Variants in GPC6 observed in about 807,000 individuals in gnomAD.
GPC6 encodes glypican-6.
GPC6 carries 14 observed loss-of-function variants against 55.2 expected under a neutral mutation model. That is an observed-to-expected ratio of 0.25 (90% CI 0.17 to 0.40). The LOEUF is 0.40. GPC6 is among the 10% of genes least tolerant of loss of function. GPC6 has a pLI of 1.00. For synonymous variants in GPC6, 278 were observed against 259.6 expected, an observed-to-expected ratio of 1.07 and a Z score of -0.68; for missense variants, 641 against 708.5, an observed-to-expected ratio of 0.90 and a Z score of 1.08.
At chr13:93,503,982 G>A (rs1008432060) in intron 1 of GPC6, among the ~76,000 whole-genome samples, 17 of 151,910 alleles carry the variant, frequency 1.1e-4, no homozygotes, top group African/African-American at 2.9e-4. Context: ...ACATTCTTCC[G>A]AGAAAAAAAG....
chr13:93,769,893 C>T (rs2138890309), intron 2 of GPC6, among the ~76,000 whole-genome samples: 3 of 152,322 alleles, frequency 2.0e-5, no homozygotes, highest in Middle Eastern at 6.8e-3. Flanking sequence ...TTTGACTTGA[C>T]TCCAGACATA....
At chr13:94,049,815 C>A (rs985304572) in intron 4 of GPC6, among the ~76,000 whole-genome samples, 1 of 152,080 alleles carries the variant, frequency 6.6e-6, no homozygotes, top group African/African-American at 2.4e-5. Flanking sequence ...GGTCACCACC[C>A]AAAATTCATC....
chr13:93,961,284 A>G (rs1423215986), intron 3 of GPC6, among the ~76,000 whole-genome samples: 1 of 152,242 alleles, frequency 6.6e-6, no homozygotes, highest in Non-Finnish European at 1.5e-5. Context: ...CTGGCCAAAC[A>G]ATAAAATAAA....
chr13:94,191,490 T>G (rs554487073), intron 4 of GPC6, among the ~76,000 whole-genome samples: 131 of 151,960 alleles, frequency 8.6e-4, no homozygotes, highest in Admixed American at 2.2e-3. Context: ...AGTCGGTAAG[T>G]GTACACTGCA....
intron 1 of GPC6, among the ~76,000 whole-genome samples, chr13:93,447,177 T>C (rs1429942040): frequency 6.6e-6 from 1 of 152,212 alleles, no homozygotes; most frequent in Admixed American, 6.5e-5. Context: ...CATGACTTTA[T>C]CAAATTCTTA....
chr13:93,236,179 G>C, intron 1 of GPC6, among the ~76,000 whole-genome samples: 1 of 152,160 alleles, frequency 6.6e-6, no homozygotes, highest in Non-Finnish European at 1.5e-5. Context: ...CCTCAGATGG[G>C]AGCTGATGAT....
intron 3 of GPC6, among the ~76,000 whole-genome samples, chr13:93,927,742 A>G (rs1469921916): frequency 2.0e-5 from 3 of 152,052 alleles, no homozygotes; most frequent in Non-Finnish European, 4.4e-5. Flanking sequence ...ACTTCCTTAG[A>G]TAGCAGTGAA....
chr13:94,223,165 T>G (rs1316335460), intron 4 of GPC6, among the ~76,000 whole-genome samples: 1 of 152,146 alleles, frequency 6.6e-6, no homozygotes, highest in African/African-American at 2.4e-5. Flanking sequence ...GAAGTGTATA[T>G]GTTTGTGTCC....
chr13:93,330,216 T>A (rs748662661), intron 1 of GPC6, among the ~76,000 whole-genome samples: 2 of 152,182 alleles, frequency 1.3e-5, no homozygotes, highest in Non-Finnish European at 2.9e-5. Context: ...GAGCCTACTG[T>A]TCATAGTGAT....
At chr13:94,395,037 C>A (rs1566755470) in intron 7 of GPC6, among the ~76,000 whole-genome samples, 1 of 152,154 alleles carries the variant, frequency 6.6e-6, no homozygotes, top group Admixed American at 6.5e-5. Context: ...AGTCATTTCC[C>A]AAAATGTAGA....
chr13:94,035,968 T>A (rs1459332966), intron 4 of GPC6, among the ~76,000 whole-genome samples: 1 of 152,042 alleles, frequency 6.6e-6, no homozygotes, highest in Non-Finnish European at 1.5e-5. Context: ...CTGTAATCTC[T>A]TCATCTGGCT....
At chr13:94,066,949 A>C (rs2138776650) in intron 4 of GPC6, among the ~76,000 whole-genome samples, 1 of 152,334 alleles carries the variant, frequency 6.6e-6, no homozygotes, top group Non-Finnish European at 1.5e-5. Flanking sequence ...GGGTAGTTTT[A>C]ATATTTTCTA....
rs143043991 is a variant in GPC6 at position 94,025,179 on chromosome 13, G to A, written c.712-2550G>A. ...TAACCAAAACCCAACAGATTCAAAC[G>A]TAGAAATACCTTAGTTAGCCCAAGT... On this transcript the variant is annotated intron_variant, in intron 3 of 8. Transcript: ENST00000377047. 7.2e-5 allele frequency among the ~76,000 whole-genome samples: 11 copies of A among 152,198 alleles called. No homozygotes were observed. In the East Asian group the frequency reaches 1.9e-3, roughly 27 times the overall value.
intron 2 of GPC6, among the ~76,000 whole-genome samples, chr13:93,734,720 C>T (rs1883938546): frequency 6.6e-6 from 1 of 151,988 alleles, no homozygotes; most frequent in African/African-American, 2.4e-5. Context: ...TGAAAATTGG[C>T]TCTGATGGAA....
chr13:93,616,645 G>T (rs1878735880), intron 2 of GPC6, among the ~76,000 whole-genome samples: 1 of 152,024 alleles, frequency 6.6e-6, no homozygotes, highest in Non-Finnish European at 1.5e-5. Flanking sequence ...ACTAAAAAAT[G>T]CTCAGGCAAG....
intron 6 of GPC6, among the ~76,000 whole-genome samples, chr13:94,377,145 G>A (rs939581165): frequency 6.6e-6 from 1 of 151,278 alleles, no homozygotes; most frequent in Non-Finnish European, 1.5e-5. Context: ...CATGGGCAAG[G>A]ACTTCATGTC....
At chr13:93,471,385 C>T (rs1198566851) in intron 1 of GPC6, among the ~76,000 whole-genome samples, 3 of 147,378 alleles carry the variant, frequency 2.0e-5, no homozygotes, top group Non-Finnish European at 4.5e-5. Context: ...AAAAAATTAG[C>T]CAGGCGTGGT....
At chr13:94,272,403 A>G (rs758216693) in intron 4 of GPC6, among the ~76,000 whole-genome samples, 1 of 150,676 alleles carries the variant, frequency 6.6e-6, no homozygotes, top group African/African-American at 2.4e-5. Flanking sequence ...TTGTAGTTCA[A>G]TGACACTTTG....
intron 1 of GPC6, among the ~76,000 whole-genome samples, chr13:93,543,673 G>T (rs1340755741): frequency 1.3e-5 from 2 of 152,092 alleles, no homozygotes; most frequent in African/African-American, 4.8e-5. Flanking sequence ...TTAAGGCTGA[G>T]TACTATTCCA....
Sources: allele counts gnomAD v4.1 joint callset (sites outside exome capture counted in the v4.1 genomes callset), GRCh38; gene constraint gnomAD v4.1.1; transcripts MANE v1.5; gene names NCBI Gene and HGNC (gene_info 2026-07-23, HGNC 2026-07-21).